Variants in ABCC4 observed in about 807,000 individuals in gnomAD.
ABCC4 encodes the protein ATP binding cassette subfamily C member 4 (PEL blood group).
ABCC4 carries 102 observed loss-of-function variants against 168.5 expected under a neutral mutation model. The observed-to-expected ratio is 0.61, with a 90% CI of 0.52 to 0.71. The LOEUF is 0.71. Among genes scored for constraint, ABCC4 ranks in the 30% least tolerant of loss-of-function variants. The pLI is 0.00. For missense variants in ABCC4, 1,402 were observed against 1,605.8 expected (o/e 0.87, Z 2.17); for synonymous variants, 617 against 590.7 (o/e 1.04, Z -0.65).
intron 1 of ABCC4, among the ~76,000 whole-genome samples, chr13:95,265,773 TC>T: frequency 6.6e-6 from 1 of 152,016 alleles, no homozygotes; most frequent in East Asian, 1.9e-4. Flanking sequence ...TGAAAAAAAA[TC>T]CCAGCTCTGA....
rs542338561 is a variant in ABCC4 at position 95,048,015 on chromosome 13, T to G, written c.3457-3577A>C. ...CTCCCCACACATAATCTGTTGAATG[T>G]ATGAAGTCACAAGGATACCTCATTT... is the stretch of plus-strand genomic sequence containing the variant. On this transcript the variant is annotated intron_variant, in intron 27 of 30. Coordinates refer to ENST00000645237, the MANE Select transcript of ABCC4 (RefSeq NM_005845.5). Among the ~76,000 whole-genome samples the G allele has an allele frequency of 2.6e-5, 4 of 152,320 alleles. No homozygotes were observed. The East Asian group carries it at 7.7e-4, about 29-fold the overall frequency.
At chr13:95,272,907 A>T (rs1268867871) in intron 1 of ABCC4, among the ~76,000 whole-genome samples, 2 of 149,836 alleles carry the variant, frequency 1.3e-5, no homozygotes, top group Non-Finnish European at 3.0e-5. Context: ...AAAAATAAAA[A>T]AATAAAATAA....
intron 3 of ABCC4, among the ~76,000 whole-genome samples, chr13:95,235,316 C>G (rs2039734921): frequency 6.6e-6 from 1 of 152,164 alleles, no homozygotes; most frequent in African/African-American, 2.4e-5. Context: ...AATCAAAATT[C>G]TAATTTCAAA....
Position 95,295,286 on chromosome 13 carries a change from C to T in ABCC4, c.74+5955G>A, listed in dbSNP as rs143126826. Among the ~76,000 whole-genome samples the T allele has an allele frequency of 4.0e-5, 6 of 151,662 alleles. No individual in the cohort carries two copies. In the East Asian group the frequency reaches 7.8e-4, roughly 20 times the overall value. On this transcript the variant is annotated intron_variant, in intron 1 of 30. Coordinates refer to ENST00000645237, the MANE Select transcript of ABCC4 (RefSeq NM_005845.5). The stretch of plus-strand genomic sequence containing the variant: ...ATGTCAGCACTTTGGGAGGCCAAGG[C>T]GGGAGAATCACTTGAAGCCAAGAGT...
chr13:95,109,649 G>A (rs2035134503), intron 20 of ABCC4, among the ~76,000 whole-genome samples: 1 of 152,152 alleles, frequency 6.6e-6, no homozygotes, highest in African/African-American at 2.4e-5. Context: ...GGCCAGTCTT[G>A]GAGGAAGCCA....
At chr13:95,194,789 C>T in intron 9 of ABCC4, 47 bp downstream of exon 9, 1 of 1,463,114 alleles carries the variant, frequency 6.8e-7, no homozygotes, top group Non-Finnish European at 9.5e-7. Flanking sequence ...AAATCAATGT[C>T]ACTCATTATC....
At chr13:95,159,947 C>T (rs183205860) in intron 19 of ABCC4, among the ~76,000 whole-genome samples, 2 of 152,306 alleles carry the variant, frequency 1.3e-5, no homozygotes. Flanking sequence ...ATTCGTTAGG[C>T]ACTGACCATG....
intron 1 of ABCC4, among the ~76,000 whole-genome samples, chr13:95,275,855 C>T (rs1223401444): frequency 2.6e-5 from 4 of 151,866 alleles, no homozygotes; most frequent in Admixed American, 6.6e-5. Flanking sequence ...AAAGTGGGTA[C>T]GCTAATTATA....
chr13:95,227,625 C>T (rs1594338343), intron 4 of ABCC4, among the ~76,000 whole-genome samples: 1 of 152,118 alleles, frequency 6.6e-6, no homozygotes, highest in Non-Finnish European at 1.5e-5. Flanking sequence ...GAAAGGAAAC[C>T]GATCTACAGA....
At chr13:95,037,791 T>C (rs2032185802) in intron 29 of ABCC4, among the ~76,000 whole-genome samples, 1 of 152,174 alleles carries the variant, frequency 6.6e-6, no homozygotes, top group Non-Finnish European at 1.5e-5. Flanking sequence ...CCACTACAAT[T>C]TGAGTCCTAT....
Position 95,102,676 on chromosome 13 carries a change from A to G in ABCC4, c.2535+13246T>C, listed in dbSNP as rs1231246500. Among the ~76,000 whole-genome samples the G allele has an allele frequency of 3.3e-5, 5 of 150,584 alleles. No individual in the cohort carries two copies. In the East Asian group the frequency reaches 8.0e-4, roughly 24 times the overall value. On this transcript the variant is annotated intron_variant, in intron 20 of 30. Coordinates refer to ENST00000645237, the MANE Select transcript of ABCC4 (RefSeq NM_005845.5). ...CGAGTCTCGCCCTGTCTGGAGTGCA[A>G]TGGCACAATCTTGGTTCACTGCAAC...
chr13:95,044,708 G>T (rs1416107502), intron 27 of ABCC4, among the ~76,000 whole-genome samples: 2 of 152,144 alleles, frequency 1.3e-5, no homozygotes, highest in African/African-American at 2.4e-5. Context: ...TTCATGCAGG[G>T]TCACGTGTTA....
chr13:95,164,646 G>C, intron 15 of ABCC4, 128 bp from the exon 16 acceptor site: 1 of 900,296 alleles, frequency 1.1e-6, no homozygotes, highest in South Asian at 2.0e-5. Context: ...CTCCTGTGGA[G>C]AAGGGTGTGG....
At chr13:95,187,266 G>A (rs932714058) in intron 10 of ABCC4, among the ~76,000 whole-genome samples, 1 of 152,180 alleles carries the variant, frequency 6.6e-6, no homozygotes, top group Non-Finnish European at 1.5e-5. Flanking sequence ...CTGCATGCGG[G>A]TATCTTTTTT....
chr13:95,029,072 G>A (rs1238841354), intron 30 of ABCC4, among the ~76,000 whole-genome samples: 1 of 151,526 alleles, frequency 6.6e-6, no homozygotes, highest in East Asian at 1.9e-4. Flanking sequence ...GGAGGCTGAG[G>A]CAGGAGAATC....
At chr13:95,072,198 T>C (rs1285804635) in intron 24 of ABCC4, among the ~76,000 whole-genome samples, 4 of 152,232 alleles carry the variant, frequency 2.6e-5, no homozygotes, top group African/African-American at 7.2e-5. Context: ...CGGTGGCTCA[T>C]GCCTATAATC....
At chr13:95,050,050 A>G (rs540181430) in intron 27 of ABCC4, among the ~76,000 whole-genome samples, 4 of 152,352 alleles carry the variant, frequency 2.6e-5, no homozygotes, top group Admixed American at 1.3e-4. Context: ...CTGGATATCA[A>G]TGAAAGATGA....
Position 95,186,704 on chromosome 13 carries a change from T to C in ABCC4, c.1542A>G (p.Lys514=). Residue 514 remains lysine, a synonymous_variant, in exon 11 of 31, where the codon AAA becomes AAG. Transcript: ENST00000645237. ...AAATCCAAAAGTCATCACTCACCTT[T>C]TTCAGAGCACAAGCCTTTATGACTT... is the stretch of plus-strand genomic sequence containing the variant. ...YEKVIKACAL[K]KDLQLLEDGD... 1 of 1,612,842 alleles carries C rather than the reference T, an allele frequency of 6.2e-7. No individual in the cohort carries two copies. The highest frequency in any genetic ancestry group is 8.5e-7 in the Non-Finnish European group (1 of 1,179,264).
At chr13:95,265,430 GAAA>G (rs11435237) in intron 1 of ABCC4, among the ~76,000 whole-genome samples, 3 of 146,724 alleles carry the variant, frequency 2.0e-5, no homozygotes, top group African/African-American at 7.4e-5. Flanking sequence ...GACACAATAA[GAAA>G]AAAAAAAAGA....
Sources: gnomAD v4.1 joint callset for allele counts (sites outside exome capture counted in the v4.1 genomes callset) on GRCh38, gnomAD v4.1.1 for gene constraint, MANE v1.5 for transcripts, NCBI Gene and HGNC (gene_info 2026-07-23, HGNC 2026-07-21) for gene names.